Variants in LGALS9B observed in about 807,000 individuals in gnomAD.
LGALS9B encodes galectin-9B.
LGALS9B carries 8 observed loss-of-function variants against 35.9 expected under a neutral mutation model. The ratio of observed to expected loss-of-function variants is 0.22; its 90% confidence interval spans 0.13 to 0.40. LGALS9B has a LOEUF of 0.40. Among genes scored for constraint, LGALS9B ranks in the 10% least tolerant of loss-of-function variants. LGALS9B has a pLI of 1.00. For synonymous variants in LGALS9B, 42 were observed against 148.6 expected (o/e 0.28, Z 5.22); for missense variants, 101 against 397.9 (o/e 0.25, Z 6.35).
intron 1 of LGALS9B, among the ~76,000 whole-genome samples, chr17:20,466,211 T>C (rs2042761790): frequency 6.6e-6 from 1 of 151,434 alleles, no homozygotes; most frequent in Non-Finnish European, 1.5e-5. Context: ...ATGCAGGTTC[T>C]ACCTTGGGGG....
chr17:20,464,093 GTT>G lies in LGALS9B; in HGVS notation c.39+3337_39+3338del, dbSNP rs59320210. Among the ~76,000 whole-genome samples, 309 of 89,846 alleles carry G rather than the reference GTT, an allele frequency of 3.4e-3. 9 individuals are homozygous for G. Among genetic ancestry groups the G allele is most frequent in the African/African-American group, 0.014 (264 of 18,488 alleles). 58.9% of individuals were successfully genotyped at this position (89,846 alleles called of 152,430 possible). A position where few individuals can be genotyped will look rare whatever the true frequency, so the allele number is the denominator to read the frequency against. ...GGGGTTTTGTTTGTTTGTTTGTTGT[GTT>G]TTTTTTTTTTTTTTTTTTTTGAGAC... is the stretch of plus-strand genomic sequence containing the variant. On this transcript the variant is annotated intron_variant, in intron 1 of 10. Coordinates refer to ENST00000423676, the MANE Select transcript of LGALS9B (RefSeq NM_001367292.2).
chr17:20,460,246 C>A lies in LGALS9B; in HGVS notation c.131+106G>T. 3 of 1,595,486 alleles carry A rather than the reference C, an allele frequency of 1.9e-6. No individual in the cohort carries two copies. The South Asian group carries it at 3.3e-5, about 18-fold the overall frequency. On this transcript the variant is annotated intron_variant, in intron 2 of 10. Coordinates refer to ENST00000423676, the MANE Select transcript of LGALS9B (RefSeq NM_001367292.2). ...TGCATTGGGTCTCCCCTGCGCCAGG[C>A]ACGTGAGCTTGGATGTTGTTGTTTG...
chr17:20,456,802 G>A (rs2042692274), intron 3 of LGALS9B, 131 bp from the exon 4 acceptor site: 2 of 113,900 alleles, frequency 1.8e-5, no homozygotes, highest in East Asian at 1.2e-4. Flanking sequence ...CAGTTACAGG[G>A]ACGTGTGTGT....
At chr17:20,450,924 C>T (rs1258780483) in intron 10 of LGALS9B, among the ~76,000 whole-genome samples, 2 of 152,248 alleles carry the variant, frequency 1.3e-5, no homozygotes, top group African/African-American at 4.8e-5. Context: ...AGGCCACACC[C>T]GCACCTCTGC....
chr17:20,465,009 T>A (rs2042752040), intron 1 of LGALS9B, among the ~76,000 whole-genome samples: 1 of 152,206 alleles, frequency 6.6e-6, no homozygotes, highest in Non-Finnish European at 1.5e-5. Context: ...AGTGCAGCTC[T>A]TTGCATGGAA....
At chr17:20,460,219 G>C (rs2042716429) in intron 2 of LGALS9B, 133 bp downstream of exon 2, 1 of 1,264,168 alleles carries the variant, frequency 7.9e-7, no homozygotes, top group African/African-American at 1.4e-5. Context: ...ATGGGTTAAG[G>C]ATGCATTGGG....
chr17:20,464,977 T>C (rs1202782974), intron 1 of LGALS9B, among the ~76,000 whole-genome samples: 6 of 152,362 alleles, frequency 3.9e-5, no homozygotes, highest in African/African-American at 1.4e-4. Flanking sequence ...GTGCTGAGCC[T>C]CTGGCCCATG....
At position 20,451,864 on chromosome 17, in the gene LGALS9B, G is replaced by C. The variant is rs1393721350; in HGVS notation, c.692C>G (p.Thr231Ser). The C allele has an allele frequency of 4.1e-6, 6 of 1,462,284 alleles. 1 individual carries two copies. In the African/African-American group the frequency reaches 6.9e-5, roughly 17 times the overall value. The allele number at this position is 1,462,284 out of a possible 1,614,324, so 90.6% of individuals were successfully genotyped here. A position where few individuals can be genotyped will look rare whatever the true frequency, so the allele number is the denominator to read the frequency against. Residue 231 changes from threonine (T) to serine (S), a missense_variant, in exon 9 of 11, where the codon ACC becomes AGC. Coordinates refer to ENST00000423676, the MANE Select transcript of LGALS9B (RefSeq NM_001367292.2). ...HPAYPMPFIT[T>S]IPGGLYPSKS... ...GGATGGGTACAGCCCTCCCGGAATG[G>C]TGGTGATGAAAGGCATCGGCTGTCA...
intron 5 of LGALS9B, among the ~76,000 whole-genome samples, chr17:20,454,400 T>A (rs1253019495): frequency 2.7e-5 from 4 of 150,814 alleles, no homozygotes; most frequent in Non-Finnish European, 5.9e-5. Flanking sequence ...TTGCCCTGGC[T>A]GGTATCCCAT....
At position 20,455,388 on chromosome 17, in the gene LGALS9B, G is replaced by A. The variant is rs779674958; in HGVS notation, c.455C>T (p.Thr152Ile). ...LSYISFQNPR[T>I]VPVQPAFSTV... ...GGAGAAGGCAGGCTGAACGGGGACT[G>A]TGCGGGGATTCTGTTAAAACAAAAG... Residue 152 changes from threonine to isoleucine, a missense_variant, in exon 5 of 11, where the codon ACA becomes ATA. Physicochemically the swap from Thr to Ile is moderately conservative, Grantham distance 89. Coordinates refer to ENST00000423676, the MANE Select transcript of LGALS9B (RefSeq NM_001367292.2). 3.7e-6 allele frequency: 5 copies of A among 1,357,348 alleles called. 1 individual carries two copies. In the East Asian group the frequency reaches 9.1e-5, roughly 25 times the overall value. The allele number at this position is 1,357,348 out of a possible 1,614,324, so 84.1% of individuals were successfully genotyped here.
intron 1 of LGALS9B, among the ~76,000 whole-genome samples, chr17:20,461,456 G>T (rs1194248336): frequency 5.3e-5 from 8 of 151,808 alleles, no homozygotes; most frequent in Admixed American, 5.3e-4. Flanking sequence ...AATCTTCAAA[G>T]TTTATTCCGA....
At chr17:20,458,139 T>TG in intron 3 of LGALS9B, 44 bp downstream of exon 3, 1 of 1,584,708 alleles carries the variant, frequency 6.3e-7, no homozygotes. Flanking sequence ...CTGATAGGGC[T>TG]GGGAGTCCCG....
chr17:20,466,232 G>T (rs1471060615), intron 1 of LGALS9B, among the ~76,000 whole-genome samples: 1 of 150,876 alleles, frequency 6.6e-6, no homozygotes, highest in Non-Finnish European at 1.5e-5. Context: ...CTTCCATAGG[G>T]TGGCTGAGGG....
In LGALS9B at chr17:20,451,614, T is replaced by C; in HGVS notation, c.791A>G (p.His264Arg). 1 of 1,599,590 alleles carries C rather than the reference T, an allele frequency of 6.3e-7. No homozygotes were observed. The highest frequency in any genetic ancestry group is 2.2e-5 in the East Asian group (1 of 44,764). ...RFHINLCSGSHIAFHMNPRFD... is the reference protein window; with the variant it reads ...RFHINLCSGSRIAFHMNPRFD... ...ACGGGGGTTCATGTGGAAGGCGATGTGGCTCCCAGAGCACAGGTTGATGTG... is the reference window on the plus strand; with the variant it reads ...ACGGGGGTTCATGTGGAAGGCGATGCGGCTCCCAGAGCACAGGTTGATGTG... The change falls in exon 10 of 11, where the codon CAC (histidine) becomes CGC (arginine). Residue 264 changes from histidine to arginine, a missense_variant. His to Arg is a conservative substitution (Grantham distance 29). Coordinates refer to ENST00000423676, the MANE Select transcript of LGALS9B (RefSeq NM_001367292.2).
intron 10 of LGALS9B, among the ~76,000 whole-genome samples, chr17:20,450,934 C>T (rs2042642680): frequency 6.6e-6 from 1 of 152,238 alleles, no homozygotes; most frequent in African/African-American, 2.4e-5. Context: ...CGCACCTCTG[C>T]ATGTTGGCCC....
chr17:20,451,700 C>T lies in LGALS9B; in HGVS notation c.762-57G>A, dbSNP rs532523296. 2.5e-4 allele frequency: 346 copies of T among 1,388,956 alleles called. 11 individuals are homozygous for T. The South Asian group carries it at 3.8e-3, about 15-fold the overall frequency. 86.0% of individuals were successfully genotyped at this position (1,388,956 alleles called of 1,614,324 possible). On this transcript the variant is annotated intron_variant, in intron 9 of 10. Coordinates refer to ENST00000423676, the MANE Select transcript of LGALS9B (RefSeq NM_001367292.2). ...CACTGAGTTCTGAGCCCCATTTCCTCCCCATCATCGCCAGCCTGCCAAAAG... is the reference window on the plus strand; with the variant it reads ...CACTGAGTTCTGAGCCCCATTTCCTTCCCATCATCGCCAGCCTGCCAAAAG...
At chr17:20,464,091 GTGTTT>G (rs966467774) in intron 1 of LGALS9B, among the ~76,000 whole-genome samples, 3 of 100,150 alleles carry the variant, frequency 3.0e-5, no homozygotes, top group African/African-American at 1.5e-4. Context: ...TTTGTTTGTT[GTGTTT>G]TTTTTTTTTT....
In LGALS9B at chr17:20,456,648, G is replaced by A. The variant is rs772889612; in HGVS notation, c.357C>T (p.Phe119=). The A allele has an allele frequency of 4.9e-6, 3 of 609,422 alleles. 1 individual carries two copies. Among genetic ancestry groups the A allele is most frequent in the Non-Finnish European group, 2.1e-6 (1 of 467,014 alleles). 37.8% of individuals were successfully genotyped at this position (609,422 alleles called of 1,614,324 possible). A position where few individuals can be genotyped will look rare whatever the true frequency, so the allele number is the denominator to read the frequency against. The stretch of plus-strand genomic sequence containing the variant: ...AGGGCACGCGGTGGAAGTACTGCAC[G>A]AAGAGGCTCCCGTTCACCATCACCT... ...DFKVMVNGSL[F]VQYFHRVPFH... is the part of the protein sequence containing the mutation. Residue 119 remains phenylalanine (F), a synonymous_variant, in exon 4 of 11, where the codon TTC becomes TTT. Transcript: ENST00000423676.
rs1362553700 is a variant in LGALS9B, at chr17:20,455,537, C to T, written c.445-139G>A. On this transcript the variant is annotated intron_variant, in intron 4 of 10. Coordinates refer to ENST00000423676, the MANE Select transcript of LGALS9B (RefSeq NM_001367292.2). ...CAAGGGGGTTAGGGCCACACGGAGG[C>T]GAGAGCGGAAAGGGCCAGGCTTCGG... The T allele has an allele frequency of 1.5e-5, 16 of 1,049,272 alleles. 3 individuals are homozygous for T. The highest frequency in any genetic ancestry group is 7.0e-4 in the Middle Eastern group (2 of 2,856). 65.0% of individuals were successfully genotyped at this position (1,049,272 alleles called of 1,614,324 possible).
Sources: allele counts gnomAD v4.1 joint callset (sites outside exome capture counted in the v4.1 genomes callset), GRCh38; gene constraint gnomAD v4.1.1; transcripts MANE v1.5; gene names NCBI Gene and HGNC (gene_info 2026-07-23, HGNC 2026-07-21).